The following ZNF783 variants were observed in gnomAD, a reference collection of about 807,000 sequenced individuals.
ZNF783 encodes the protein zinc finger protein 783, also known as protein ZNF783.
Under a neutral mutation model 31.3 loss-of-function variants are expected in ZNF783, and 25 were observed. The observed-to-expected ratio is 0.80, with a 90% CI of 0.58 to 1.11. The LOEUF (loss-of-function observed/expected upper bound fraction) is 1.11, where lower values mean the gene tolerates loss of function less well. Ranked by LOEUF, ZNF783 falls within the 50% of genes most tolerant of loss-of-function variation. The pLI is 0.00. For synonymous variants in ZNF783, 369 were observed against 319.1 expected (o/e 1.16, Z -1.66); for missense variants, 797 against 760.0 (o/e 1.05, Z -0.57).
intron 5 of ZNF783, among the ~76,000 whole-genome samples, chr7:149,280,419 G>T (rs902342905): frequency 6.6e-6 from 1 of 152,078 alleles, no homozygotes; most frequent in Non-Finnish European, 1.5e-5. Context: ...TTGGGAGTGG[G>T]GTGGGGTTGG....
intron 1 of ZNF783, among the ~76,000 whole-genome samples, chr7:149,265,237 A>G (rs1232217008): frequency 6.6e-6 from 1 of 152,224 alleles, no homozygotes; most frequent in Admixed American, 6.5e-5. Flanking sequence ...ACCAACCAGG[A>G]CTGTGCCCAT....
rs563531731 is a variant in ZNF783 at position 149,267,223 on chromosome 7, G to C, written c.673+1G>C. The C allele has an allele frequency of 2.1e-5, 33 of 1,590,042 alleles. No individual in the cohort carries two copies. Among genetic ancestry groups the C allele is most frequent in the African/African-American group, 2.7e-5 (2 of 74,746 alleles). ...GGACGTCCAAGGATGATGGGCACTG[G>C]TAAGTATAGGAGCCAGATGTGGTTG... On this transcript the variant is annotated splice_donor_variant, in intron 4 of 5. Coordinates refer to ENST00000434415, the MANE Select transcript of ZNF783 (RefSeq NM_001195220.2). LOFTEE classifies it high-confidence loss of function.
At chr7:149,266,161 G>T (rs191687019) in intron 1 of ZNF783, among the ~76,000 whole-genome samples, 174 bp from the exon 2 acceptor site, 1 of 152,104 alleles carries the variant, frequency 6.6e-6, no homozygotes, top group Admixed American at 6.5e-5. Flanking sequence ...TATCAGTTAG[G>T]CTGGATTCCT....
chr7:149,282,381 C>CT lies in ZNF783; in HGVS notation c.*39dup. ...CCACAGAGGACCCCTGGCGGGGTCT[C>CT]TCCCCTGTGCCTGACGCAGGTTCTT... On this transcript the variant is annotated 3_prime_UTR_variant, in exon 6 of 6. Coordinates refer to ENST00000434415, the MANE Select transcript of ZNF783 (RefSeq NM_001195220.2). The CT allele has an allele frequency of 3.5e-6, 5 of 1,413,380 alleles. No individual in the cohort carries two copies. The highest frequency in any genetic ancestry group is 4.6e-6 in the Non-Finnish European group (5 of 1,078,912). 87.6% of individuals were successfully genotyped at this position (1,413,380 alleles called of 1,614,324 possible).
At chr7:149,264,615 C>T (rs1036321266) in intron 1 of ZNF783, among the ~76,000 whole-genome samples, 7 of 152,178 alleles carry the variant, frequency 4.6e-5, no homozygotes, top group Non-Finnish European at 7.3e-5. Flanking sequence ...TGACTCACGC[C>T]TGTAATCCCA....
chr7:149,262,505 C>T lies in ZNF783; in HGVS notation c.24+148C>T, dbSNP rs940504686. The T allele has an allele frequency of 2.3e-5, 17 of 731,524 alleles. No individual in the cohort carries two copies. The Admixed American group carries it at 7.9e-4, about 34-fold the overall frequency. 45.3% of individuals were successfully genotyped at this position (731,524 alleles called of 1,614,324 possible). A position where few individuals can be genotyped will look rare whatever the true frequency, so the allele number is the denominator to read the frequency against. On this transcript the variant is annotated intron_variant, in intron 1 of 5. Coordinates refer to ENST00000434415, the MANE Select transcript of ZNF783 (RefSeq NM_001195220.2). The stretch of plus-strand genomic sequence containing the variant: ...CGTTGCCCCCGGCCCATCGCCCAGC[C>T]CGCGTCGAAGGCATTGACCGGGCGG...
chr7:149,274,251 TGA>T (rs1797273320), intron 4 of ZNF783, among the ~76,000 whole-genome samples: 1 of 152,228 alleles, frequency 6.6e-6, no homozygotes, highest in Non-Finnish European at 1.5e-5. Flanking sequence ...CTGTATATGA[TGA>T]GAGATAGGAG....
intron 5 of ZNF783, among the ~76,000 whole-genome samples, chr7:149,279,825 T>C (rs1397117777): frequency 6.6e-6 from 1 of 151,896 alleles, no homozygotes. Flanking sequence ...CAGAAGAATT[T>C]ATCTTAGTAC....
At chr7:149,263,241 T>C (rs1466362114) in intron 1 of ZNF783, among the ~76,000 whole-genome samples, 1 of 151,248 alleles carries the variant, frequency 6.6e-6, no homozygotes, top group African/African-American at 2.4e-5. Context: ...TAAAATTTTT[T>C]AATTAAAAAA....
rs1366946043 is a variant in ZNF783 at position 149,282,594 on chromosome 7, G to C, written c.*251G>C. 6 of 460,074 alleles carry C rather than the reference G, an allele frequency of 1.3e-5. No homozygotes were observed. Among genetic ancestry groups the C allele is most frequent in the African/African-American group, 8.2e-5 (4 of 48,776 alleles). 28.5% of individuals were successfully genotyped at this position (460,074 alleles called of 1,614,324 possible). A position where few individuals can be genotyped will look rare whatever the true frequency, so the allele number is the denominator to read the frequency against. ...TAAGGGATGCCATATTTTTGATAAGGCCTCTGGTAGGTACCACAGCCAAGA... is the reference window on the plus strand; with the variant it reads ...TAAGGGATGCCATATTTTTGATAAGCCCTCTGGTAGGTACCACAGCCAAGA... On this transcript the variant is annotated 3_prime_UTR_variant, in exon 6 of 6. Transcript: ENST00000434415.
At position 149,282,081 on chromosome 7, in the gene ZNF783, G is replaced by A. The variant is rs866768638; in HGVS notation, c.1379G>A (p.Gly460Asp). The A allele has an allele frequency of 3.8e-6, 6 of 1,596,160 alleles. No individual in the cohort carries two copies. In the African/African-American group the frequency reaches 5.3e-5, roughly 14 times the overall value. Reference protein sequence around the residue: ...SLLLHQRLHTGNGQGWPACPY... With the variant: ...SLLLHQRLHTDNGQGWPACPY... ...CTGCTGCACCAGCGCCTGCACACCG[G>A]CAATGGCCAGGGCTGGCCCGCCTGC... Residue 460 changes from glycine to aspartate, a missense_variant, in exon 6 of 6, where the codon GGC becomes GAC. Physicochemically the swap from Gly to Asp is moderately conservative, Grantham distance 94. Coordinates refer to ENST00000434415, the MANE Select transcript of ZNF783 (RefSeq NM_001195220.2).
At chr7:149,279,767 G>A (rs1208075483) in intron 5 of ZNF783, among the ~76,000 whole-genome samples, 1 of 150,978 alleles carries the variant, frequency 6.6e-6, no homozygotes, top group African/African-American at 2.4e-5. Context: ...ACATGTTTCA[G>A]AGAGCACAGG....
At position 149,278,409 on chromosome 7, in the gene ZNF783, G is replaced by A. The variant is rs746987451; in HGVS notation, c.684G>A (p.Pro228=). The change falls in exon 5 of 6, where the codon CCG becomes CCA. Residue 228 remains proline (P), a synonymous_variant. Transcript: ENST00000434415. ...ATTTACATTCTCCAGGCCTCCCTCC[G>A]TATCCAGAGCACCTCACCAGCCCAC... The part of the protein sequence containing the change: ...RPRMMGTGLP[P]YPEHLTSPLS... 19 of 1,599,272 alleles carry A rather than the reference G, an allele frequency of 1.2e-5. No individual in the cohort carries two copies. Among genetic ancestry groups the A allele is most frequent in the South Asian group, 7.7e-5 (7 of 91,054 alleles).
intron 4 of ZNF783, among the ~76,000 whole-genome samples, chr7:149,269,939 C>A (rs943199594): frequency 6.6e-6 from 1 of 151,084 alleles, no homozygotes; most frequent in Non-Finnish European, 1.5e-5. Flanking sequence ...TTTGTCCTTG[C>A]GATAGTTTGC....
At chr7:149,265,843 G>C (rs1358871316) in intron 1 of ZNF783, among the ~76,000 whole-genome samples, 1 of 152,216 alleles carries the variant, frequency 6.6e-6, no homozygotes, top group Non-Finnish European at 1.5e-5. Context: ...TTCTAGATAG[G>C]GAAGGGAAGT....
Position 149,281,731 on chromosome 7 carries a change from C to G in ZNF783, c.1029C>G (p.Arg343=), listed in dbSNP as rs755551565. The G allele has an allele frequency of 1.4e-6, 2 of 1,479,138 alleles. No homozygotes were observed. The highest frequency in any genetic ancestry group is 1.4e-5 in the South Asian group (1 of 73,176). The allele number at this position is 1,479,138 out of a possible 1,614,324, so 91.6% of individuals were successfully genotyped here. A position where few individuals can be genotyped will look rare whatever the true frequency, so the allele number is the denominator to read the frequency against. Residue 343 remains arginine, a synonymous_variant, in exon 6 of 6, where the codon CGC becomes CGG. Transcript: ENST00000434415. ...GGGAGACGCCCCGAGTCCTCTCCCG[C>G]AGGCGGCAGCGGGCATTCCCCTGCC... ...ASGETPRVLS[R]RRQRAFPCPD...
chr7:149,277,304 A>G (rs891752778), intron 4 of ZNF783: 1 of 152,124 alleles, frequency 6.6e-6, no homozygotes, highest in African/African-American at 2.4e-5. Flanking sequence ...TGCCCATCCA[A>G]TTTCAAATTC....
chr7:149,264,428 A>C (rs1435777345), intron 1 of ZNF783, among the ~76,000 whole-genome samples: 1 of 152,230 alleles, frequency 6.6e-6, no homozygotes, highest in East Asian at 1.9e-4. Context: ...GGAGGCTGGC[A>C]TGGCTGGAGC....
intron 1 of ZNF783, among the ~76,000 whole-genome samples, chr7:149,264,181 A>G (rs1371409194): frequency 6.6e-6 from 1 of 152,242 alleles, no homozygotes; most frequent in Non-Finnish European, 1.5e-5. Flanking sequence ...GAAGAACCAC[A>G]TCAGTTTTTT....
Sources: allele counts gnomAD v4.1 joint callset (sites outside exome capture counted in the v4.1 genomes callset), GRCh38; gene constraint gnomAD v4.1.1; transcripts MANE v1.5; gene names NCBI Gene and HGNC (gene_info 2026-07-23, HGNC 2026-07-21).